Variants in ASB3 observed in about 807,000 individuals in gnomAD.
The protein encoded by ASB3 is ankyrin repeat and SOCS box containing 3, also known as ankyrin repeat and SOCS box protein 3.
In ASB3, 41 loss-of-function variants were observed where a neutral mutation model predicts 54.5. The ratio of observed to expected loss-of-function variants is 0.75; its 90% CI spans 0.59 to 0.98. The LOEUF (loss-of-function observed/expected upper bound fraction) is 0.98. Ranked by LOEUF, ASB3 falls within the 50% of genes least tolerant of loss-of-function variation. The pLI is 0.00. For synonymous variants in ASB3, 266 were observed against 221.2 expected, an observed-to-expected ratio of 1.20 and a Z score of -1.80; for missense variants, 733 against 620.0, an observed-to-expected ratio of 1.18 and a Z score of -1.94.
intron 1 of ASB3, among the ~76,000 whole-genome samples, chr2:53,783,897 T>C (rs1333662644): frequency 6.6e-6 from 1 of 152,118 alleles, no homozygotes; most frequent in East Asian, 1.9e-4. Context: ...AATGAGGACA[T>C]GGAATACATA....
intron 1 of ASB3, chr2:53,767,882 A>G (rs1273667196): frequency 6.2e-7 from 1 of 1,606,566 alleles, no homozygotes; most frequent in Non-Finnish European, 8.5e-7. Flanking sequence ...AGGAGCCGCG[A>G]GAAGATGTGG....
At chr2:53,705,948 C>T (rs1669745474) in intron 7 of ASB3, among the ~76,000 whole-genome samples, 1 of 152,130 alleles carries the variant, frequency 6.6e-6, no homozygotes, top group Admixed American at 6.5e-5. Flanking sequence ...AGGCACACAT[C>T]CGGGCAAGGT....
chr2:53,777,404 G>T (rs916227361), intron 1 of ASB3, among the ~76,000 whole-genome samples: 8 of 152,172 alleles, frequency 5.3e-5, no homozygotes, highest in African/African-American at 1.7e-4. Flanking sequence ...TAAAGCCAAA[G>T]ACAAAAACAT....
At chr2:53,771,186 G>A (rs1244561138) in intron 1 of ASB3, among the ~76,000 whole-genome samples, 1 of 152,138 alleles carries the variant, frequency 6.6e-6, no homozygotes, top group Non-Finnish European at 1.5e-5. Flanking sequence ...CCTATATATA[G>A]GAAAGCACCC....
chr2:53,721,867 G>C (rs1670731658), intron 5 of ASB3, among the ~76,000 whole-genome samples: 2 of 151,868 alleles, frequency 1.3e-5, no homozygotes, highest in Non-Finnish European at 1.5e-5. Flanking sequence ...ATGAAATTGA[G>C]ACCCAAAAAT....
chr2:53,772,157 A>T (rs1354877811), intron 1 of ASB3, among the ~76,000 whole-genome samples: 1 of 150,946 alleles, frequency 6.6e-6, no homozygotes, highest in South Asian at 2.1e-4. Context: ...ACGTACAGAC[A>T]AATAGCATGT....
chr2:53,768,088 C>G, intron 1 of ASB3: 1 of 1,566,286 alleles, frequency 6.4e-7, no homozygotes, highest in Non-Finnish European at 8.7e-7. Flanking sequence ...CCACACACAG[C>G]ACCCACACCC....
chr2:53,724,252 A>G (rs56273260), intron 5 of ASB3, among the ~76,000 whole-genome samples: 15,507 of 152,232 alleles, frequency 0.1, 966 homozygotes, highest in Non-Finnish European at 0.14. Flanking sequence ...TCCAATATCT[A>G]GAATCTATAA....
rs925349671 is a variant in ASB3 at position 53,768,124 on chromosome 2, T to C, written c.-13-2539A>G. The stretch of plus-strand genomic sequence containing the variant: ...TAGAGAACCACACCTTAGCGCTTCA[T>C]GGGGCCAAAGCACATGGCTTGGGGT... On this transcript the variant is annotated intron_variant, in intron 1 of 9. Coordinates refer to ENST00000263634, the MANE Select transcript of ASB3 (RefSeq NM_016115.5). The C allele has an allele frequency of 4.4e-6, 6 of 1,350,900 alleles. No individual in the cohort carries two copies. The South Asian group carries it at 6.5e-5, about 15-fold the overall frequency. The allele number at this position is 1,350,900 out of a possible 1,614,324, so 83.7% of individuals were successfully genotyped here. A position where few individuals can be genotyped will look rare whatever the true frequency, so the allele number is the denominator to read the frequency against.
intron 3 of ASB3, among the ~76,000 whole-genome samples, chr2:53,749,636 T>C (rs1204552087): frequency 6.6e-6 from 1 of 151,962 alleles, no homozygotes; most frequent in East Asian, 1.9e-4. Flanking sequence ...CAAAAAGAAA[T>C]GGATTATTGA....
At chr2:53,672,810 GT>G (rs1212372039) in intron 9 of ASB3, among the ~76,000 whole-genome samples, 1 of 151,956 alleles carries the variant, frequency 6.6e-6, no homozygotes, top group Non-Finnish European at 1.5e-5. Context: ...ATTTTTACAG[GT>G]TTTTTTGCTT....
At chr2:53,679,873 T>C (rs1216205248) in intron 9 of ASB3, among the ~76,000 whole-genome samples, 3 of 152,292 alleles carry the variant, frequency 2.0e-5, no homozygotes, top group Non-Finnish European at 4.4e-5. Flanking sequence ...TCATTCGTTA[T>C]TTTTTCCTGG....
At chr2:53,724,128 G>T (rs572080244) in intron 5 of ASB3, among the ~76,000 whole-genome samples, 1 of 152,234 alleles carries the variant, frequency 6.6e-6, no homozygotes, top group East Asian at 1.9e-4. Flanking sequence ...AAGCTCTTTA[G>T]CTTCTGTAAA....
In ASB3 at chr2:53,684,073, G is replaced by A. The variant is rs527919619; in HGVS notation, c.1369+9811C>T. On this transcript the variant is annotated intron_variant, in intron 9 of 9. Transcript: ENST00000263634. ...TTTGGAGTTCTTCTACTTTTTTAAT[G>A]TAGATGCTTTAGCTATATCATTTAC... Among the ~76,000 whole-genome samples, 10 of 152,144 alleles carry A rather than the reference G, an allele frequency of 6.6e-5. No individual in the cohort carries two copies. In the East Asian group the frequency reaches 9.6e-4, roughly 15 times the overall value.
At chr2:53,744,256 C>T (rs1672099860) in intron 3 of ASB3, among the ~76,000 whole-genome samples, 1 of 150,932 alleles carries the variant, frequency 6.6e-6, no homozygotes, top group Admixed American at 6.6e-5. Flanking sequence ...TGGTCACAGG[C>T]GCCTGTAATC....
chr2:53,777,589 C>CT (rs77947218), intron 1 of ASB3, among the ~76,000 whole-genome samples: 8,682 of 152,160 alleles, frequency 0.057, 456 homozygotes, highest in East Asian at 0.28. Context: ...AGCATGGAAA[C>CT]TTATTGTACT....
intron 9 of ASB3, among the ~76,000 whole-genome samples, chr2:53,680,887 C>G (rs960160072): frequency 2.6e-5 from 4 of 152,096 alleles, no homozygotes; most frequent in African/African-American, 9.7e-5. Context: ...CCTCTCACCC[C>G]CCATCCCCAC....
intron 1 of ASB3, among the ~76,000 whole-genome samples, chr2:53,769,418 T>G (rs79224144): frequency 1.3e-5 from 2 of 152,250 alleles, no homozygotes; most frequent in African/African-American, 4.8e-5. Context: ...TGTATGTGGC[T>G]ATAACAACAT....
chr2:53,772,057 A>G (rs1222260873), intron 1 of ASB3: 2 of 641,398 alleles, frequency 3.1e-6, no homozygotes, highest in South Asian at 2.3e-5. Flanking sequence ...TAAATTTAGA[A>G]TTCTTCTCTG....
Sources: gnomAD v4.1 joint callset for allele counts (sites outside exome capture counted in the v4.1 genomes callset) on GRCh38, gnomAD v4.1.1 for gene constraint, MANE v1.5 for transcripts, NCBI Gene and HGNC (gene_info 2026-07-23, HGNC 2026-07-21) for gene names.